METTL4: variants seen among roughly 807,000 people sequenced by gnomAD.
The protein encoded by METTL4 is methyltransferase 4, N6-adenosine.
In METTL4, 40 loss-of-function variants were observed where a neutral mutation model predicts 54.0. The ratio of observed to expected loss-of-function variants is 0.74; its 90% CI spans 0.58 to 0.96. The LOEUF is 0.96. Ranked by LOEUF, METTL4 falls within the 50% of genes least tolerant of loss-of-function variation. The pLI, the probability that METTL4 is intolerant of heterozygous loss-of-function variation, is 0.00. For missense variants in METTL4, 525 were observed against 549.0 expected (o/e 0.96, Z 0.44); for synonymous variants, 169 against 183.8 (o/e 0.92, Z 0.65).
At chr18:2,564,594 A>G (rs2143584660) in intron 2 of METTL4, among the ~76,000 whole-genome samples, 2 of 152,380 alleles carry the variant, frequency 1.3e-5, no homozygotes, top group Middle Eastern at 6.8e-3. Context: ...TATATCTAAC[A>G]ATATAGAGTA....
intron 2 of METTL4, among the ~76,000 whole-genome samples, chr18:2,565,492 G>C (rs986289429): frequency 1.3e-4 from 19 of 151,940 alleles, no homozygotes; most frequent in Non-Finnish European, 2.4e-4. Context: ...ACATGTACCT[G>C]TGAACTTAAA....
At chr18:2,570,916 T>C (rs2072493790) in intron 1 of METTL4, among the ~76,000 whole-genome samples, 1 of 152,164 alleles carries the variant, frequency 6.6e-6, no homozygotes, top group African/African-American at 2.4e-5. Context: ...AGCAAAGTGA[T>C]CTACTGTTAC....
intron 5 of METTL4, among the ~76,000 whole-genome samples, chr18:2,548,846 A>G (rs2644175): frequency 0.42 from 64,312 of 152,118 alleles, 13,828 homozygotes; most frequent in Middle Eastern, 0.45. Context: ...TCAACCTCAC[A>G]GTTCCTGCAA....
intron 6 of METTL4, among the ~76,000 whole-genome samples, chr18:2,545,800 T>C (rs1277033371): frequency 6.6e-6 from 1 of 152,080 alleles, no homozygotes; most frequent in Non-Finnish European, 1.5e-5. Flanking sequence ...TTATACTCAA[T>C]GCACATTACC....
At chr18:2,545,328 A>G (rs1400832244) in intron 6 of METTL4, among the ~76,000 whole-genome samples, 2 of 152,146 alleles carry the variant, frequency 1.3e-5, no homozygotes, top group East Asian at 3.8e-4. Flanking sequence ...TAATAAATGA[A>G]TTACTAATGA....
intron 6 of METTL4, 56 bp from the exon 7 acceptor site, chr18:2,544,815 C>T: frequency 5.6e-6 from 6 of 1,073,156 alleles, no homozygotes; most frequent in Non-Finnish European, 8.5e-6. Context: ...TATAGAGCTT[C>T]CACACACACA....
chr18:2,559,228 CA>C (rs2072280272), intron 3 of METTL4, among the ~76,000 whole-genome samples: 1 of 152,032 alleles, frequency 6.6e-6, no homozygotes, highest in East Asian at 1.9e-4. Context: ...AGTCCATAAA[CA>C]AATGGATAAA....
rs1051195436 is a variant in METTL4 at position 2,555,915 on chromosome 18, A to C, written c.460-877T>G. ...ACAGTGGTCCCTAAACAGCAAAAAC[A>C]AAGGACCACTCCAGCTTACTGCCTT... On this transcript the variant is annotated intron_variant, in intron 3 of 8. Coordinates refer to ENST00000574538, the MANE Select transcript of METTL4 (RefSeq NM_022840.5). 5.9e-5 allele frequency among the ~76,000 whole-genome samples: 9 copies of C among 152,214 alleles called. No homozygotes were observed. The East Asian group carries it at 1.2e-3, about 20-fold the overall frequency.
intron 2 of METTL4, among the ~76,000 whole-genome samples, chr18:2,565,399 G>A (rs995118510): frequency 5.3e-5 from 8 of 151,838 alleles, no homozygotes; most frequent in Admixed American, 4.6e-4. Flanking sequence ...ATAACTAATG[G>A]GTACTAGGCT....
chr18:2,539,892 T>C (rs1347974467), intron 8 of METTL4: 2 of 948,706 alleles, frequency 2.1e-6, no homozygotes, highest in Admixed American at 6.2e-5. Flanking sequence ...ATATAAACTT[T>C]AATAAAATAA....
intron 5 of METTL4, 136 bp from the exon 6 acceptor site, chr18:2,547,665 G>T: frequency 1.7e-6 from 1 of 595,394 alleles, no homozygotes; most frequent in Non-Finnish European, 2.7e-6. Flanking sequence ...AAAATATAAA[G>T]CCACAGTGAC....
Position 2,544,675 on chromosome 18 carries a change from C to A in METTL4, c.1159G>T (p.Glu387Ter). 6 of 1,610,606 alleles carry A rather than the reference C, an allele frequency of 3.7e-6. No individual in the cohort carries two copies. The highest frequency in any genetic ancestry group is 5.1e-6 in the Non-Finnish European group (6 of 1,178,440). ...TACCTCAATGGTAGAGCAGTTTTTT[C>A]TTGAACCCTCCCCAGTATAAGACCT... is the stretch of plus-strand genomic sequence containing the variant. ...YEGLILGRVQ[E>*]KTALPLRNAD... Residue 387 changes from glutamate (E) to a stop codon, truncating the protein, a stop_gained, in exon 7 of 9, where the codon GAA becomes TAA. Coordinates refer to ENST00000574538, the MANE Select transcript of METTL4 (RefSeq NM_022840.5). LOFTEE classifies it high-confidence loss of function.
At position 2,562,857 on chromosome 18, in the gene METTL4, C is replaced by G. The variant is rs149849577; in HGVS notation, c.459+940G>C. 9.6e-4 allele frequency among the ~76,000 whole-genome samples: 146 copies of G among 151,736 alleles called. 2 individuals carry two copies. Among genetic ancestry groups the G allele is most frequent in the Non-Finnish European group, 1.4e-3 (96 of 67,956 alleles). On this transcript the variant is annotated intron_variant, in intron 3 of 8. Transcript: ENST00000574538. Reference sequence around the variant, plus strand: ...AGAGATGAACAGCAGTGGTGTGGTACAACATTGTGAATGTATTTAATGCCG... The same window carrying G: ...AGAGATGAACAGCAGTGGTGTGGTAGAACATTGTGAATGTATTTAATGCCG...
chr18:2,542,135 T>C (rs528344134), intron 8 of METTL4, among the ~76,000 whole-genome samples: 6 of 152,328 alleles, frequency 3.9e-5, no homozygotes, highest in African/African-American at 1.4e-4. Context: ...TGTGCTGCTC[T>C]CTACTGGGAA....
At chr18:2,563,689 C>A in intron 3 of METTL4, 108 bp downstream of exon 3, 12 of 569,838 alleles carry the variant, frequency 2.1e-5, no homozygotes, top group Non-Finnish European at 2.9e-5. Flanking sequence ...TAAGCCTGAT[C>A]AAAATGATTG....
rs376278957 is a variant in METTL4 at position 2,546,138 on chromosome 18, G to A, written c.1074+1217C>T. Among the ~76,000 whole-genome samples, 24 of 152,152 alleles carry A rather than the reference G, an allele frequency of 1.6e-4. No homozygotes were observed. In the East Asian group the frequency reaches 2.7e-3, roughly 17 times the overall value. ...ACAGCATGAAAACAAAGATACAACT[G>A]TAAGTCTTTGTCAAGTCCCATAACA... is the stretch of plus-strand genomic sequence containing the variant. On this transcript the variant is annotated intron_variant, in intron 6 of 8. Transcript: ENST00000574538.
At chr18:2,563,762 T>A (rs1185548236) in intron 3 of METTL4, 35 bp downstream of exon 3, 1 of 1,452,274 alleles carries the variant, frequency 6.9e-7, no homozygotes, top group Non-Finnish European at 9.5e-7. Flanking sequence ...TTCACATTAA[T>A]CTTCCAATGT....
At position 2,539,143 on chromosome 18, in the gene METTL4, C is replaced by T. The variant is rs2071955448; in HGVS notation, c.1276G>A (p.Val426Ile). Residue 426 changes from valine to isoleucine, a missense_variant and splice_region_variant, in exon 9 of 9, where the codon GTT becomes ATT. Val to Ile is a conservative substitution (Grantham distance 29). Transcript: ENST00000574538. Reference sequence around the variant, plus strand: ...TCTGGCTTGATGTAGTCTTTTAAAACCTCTGTTTAAAAAAGAGAAAAAACA... The same window carrying T: ...TCTGGCTTGATGTAGTCTTTTAAAATCTCTGTTTAAAAAAGAGAAAAAACA... ...LHSHKPPLAE[V>I]LKDYIKPDGE... is the part of the protein sequence containing the mutation. The T allele has an allele frequency of 1.9e-6, 3 of 1,611,222 alleles. No individual in the cohort carries two copies. The highest frequency in any genetic ancestry group is 2.5e-6 in the Non-Finnish European group (3 of 1,178,812).
rs199503883 is a variant in METTL4 at position 2,563,820 on chromosome 18, C to T, written c.436G>A (p.Asp146Asn). 5.6e-6 allele frequency: 9 copies of T among 1,609,636 alleles called. No individual in the cohort carries two copies. The highest frequency in any genetic ancestry group is 7.6e-6 in the Non-Finnish European group (9 of 1,177,786). Residue 146 changes from aspartate (D) to asparagine (N), a missense_variant, in exon 3 of 9, where the codon GAT becomes AAT. Physicochemically the swap from Asp to Asn is conservative, Grantham distance 23. Coordinates refer to ENST00000574538, the MANE Select transcript of METTL4 (RefSeq NM_022840.5). ...RCVVFNQGEL[D>N]AMEYHTKIRE... ...ACCTTTGTATGGTATTCCATAGCAT[C>T]CAATTCACCTTGATTGAAAACAACA...
Sources: allele counts gnomAD v4.1 joint callset (sites outside exome capture counted in the v4.1 genomes callset), GRCh38; gene constraint gnomAD v4.1.1; transcripts MANE v1.5; gene names NCBI Gene and HGNC (gene_info 2026-07-23, HGNC 2026-07-21).